The following TTLL5 variants were observed in gnomAD, a reference collection of about 807,000 sequenced individuals.
TTLL5 encodes tubulin polyglutamylase TTLL5.
In TTLL5, 132 loss-of-function variants were observed where a neutral mutation model predicts 168.4. The observed-to-expected ratio is 0.78, with a 90% CI of 0.68 to 0.91. TTLL5 has a LOEUF of 0.91. Among genes scored for constraint, TTLL5 ranks in the 40% least tolerant of loss-of-function variants. The probability of loss-of-function intolerance (pLI) is 0.00; values close to 1 mark genes in which losing one functional copy is unlikely to be tolerated. For synonymous variants in TTLL5, 546 were observed against 558.6 expected (o/e 0.98, Z 0.32); for missense variants, 1,545 against 1,581.5 (o/e 0.98, Z 0.39).
At chr14:75,931,263 G>T (rs1031642477) in intron 31 of TTLL5, among the ~76,000 whole-genome samples, 3 of 152,102 alleles carry the variant, frequency 2.0e-5, no homozygotes, top group African/African-American at 4.8e-5. Context: ...CATCTCAGGT[G>T]TAACACATCC....
intron 28 of TTLL5, among the ~76,000 whole-genome samples, chr14:75,861,637 C>T (rs891795639): frequency 2.0e-5 from 3 of 152,074 alleles, no homozygotes; most frequent in African/African-American, 4.8e-5. Context: ...TTTTTCTAAG[C>T]CCCCTTAACC....
chr14:75,867,510 C>T (rs2030620280), intron 29 of TTLL5, among the ~76,000 whole-genome samples: 1 of 152,080 alleles, frequency 6.6e-6, no homozygotes, highest in South Asian at 2.1e-4. Flanking sequence ...GCCTGTAATC[C>T]CAGCACTTTG....
chr14:75,745,692 T>G (rs1363230461), intron 17 of TTLL5, 111 bp downstream of exon 17: 7 of 798,472 alleles, frequency 8.8e-6, no homozygotes, highest in South Asian at 7.4e-5. Context: ...TTATTTTGTT[T>G]ATTTATAATA....
chr14:75,855,708 A>C (rs1209371770), intron 28 of TTLL5, among the ~76,000 whole-genome samples: 1 of 152,234 alleles, frequency 6.6e-6, no homozygotes. Context: ...CATACTTCAA[A>C]GCATGCAGGT....
At chr14:75,723,698 T>C (rs1379184494) in intron 12 of TTLL5, among the ~76,000 whole-genome samples, 1 of 152,184 alleles carries the variant, frequency 6.6e-6, no homozygotes, top group Non-Finnish European at 1.5e-5. Flanking sequence ...TGTTCCGACG[T>C]GGAAGAAGCT....
chr14:75,832,625 TA>T (rs2139813005), intron 28 of TTLL5, among the ~76,000 whole-genome samples: 1 of 152,326 alleles, frequency 6.6e-6, no homozygotes, highest in African/African-American at 2.4e-5. Flanking sequence ...ACGTGCTTTG[TA>T]AACTGTAAAG....
intron 18 of TTLL5, among the ~76,000 whole-genome samples, chr14:75,755,432 T>G (rs1457454820): frequency 6.6e-6 from 1 of 152,000 alleles, no homozygotes; most frequent in Non-Finnish European, 1.5e-5. Flanking sequence ...TCTTACAAAC[T>G]CCCCTTCTTT....
At chr14:75,925,893 T>C (rs909941722) in intron 31 of TTLL5, among the ~76,000 whole-genome samples, 1 of 151,872 alleles carries the variant, frequency 6.6e-6, no homozygotes, top group African/African-American at 2.4e-5. Flanking sequence ...ACCAAAAAAG[T>C]ACGAAAACCA....
intron 3 of TTLL5, among the ~76,000 whole-genome samples, chr14:75,673,607 G>A (rs1356043005): frequency 1.3e-5 from 2 of 152,226 alleles, no homozygotes; most frequent in Admixed American, 6.5e-5. Flanking sequence ...GTAAAATGGA[G>A]AGAATATGAT....
chr14:75,867,614 G>C (rs1046602579), intron 29 of TTLL5, among the ~76,000 whole-genome samples: 2 of 152,062 alleles, frequency 1.3e-5, no homozygotes, highest in Non-Finnish European at 2.9e-5. Flanking sequence ...ACAAAAATTA[G>C]CCGGGCGTGG....
intron 28 of TTLL5, among the ~76,000 whole-genome samples, chr14:75,827,844 A>G (rs1287900819): frequency 1.3e-5 from 2 of 148,956 alleles, no homozygotes; most frequent in Admixed American, 1.4e-4. Context: ...CAGCCTCCCA[A>G]GTAGCTGGGA....
At chr14:75,881,436 A>C (rs1485365435) in intron 29 of TTLL5, among the ~76,000 whole-genome samples, 1 of 152,242 alleles carries the variant, frequency 6.6e-6, no homozygotes, top group Non-Finnish European at 1.5e-5. Context: ...ATATCTGCTT[A>C]GCCTACGACC....
intron 31 of TTLL5, among the ~76,000 whole-genome samples, chr14:75,906,172 T>C (rs1200678096): frequency 6.6e-6 from 1 of 152,166 alleles, no homozygotes; most frequent in African/African-American, 2.4e-5. Flanking sequence ...GATCTAGATG[T>C]CACTTTAACT....
chr14:75,745,669 G>A (rs979137600), intron 17 of TTLL5, 88 bp downstream of exon 17: 12 of 998,628 alleles, frequency 1.2e-5, no homozygotes, highest in African/African-American at 3.3e-5. Flanking sequence ...TGCTCCCCCC[G>A]ATGATGCTTT....
intron 26 of TTLL5, among the ~76,000 whole-genome samples, chr14:75,792,390 C>T (rs1369545591): frequency 6.7e-6 from 1 of 150,066 alleles, no homozygotes; most frequent in Non-Finnish European, 1.5e-5. Flanking sequence ...AAAAAGAAAA[C>T]ATGTTTTGAC....
At chr14:75,865,548 C>T (rs1372199906) in intron 29 of TTLL5, among the ~76,000 whole-genome samples, 3 of 152,080 alleles carry the variant, frequency 2.0e-5, no homozygotes, top group Admixed American at 2.0e-4. Flanking sequence ...AAAAAACTCT[C>T]TGGCTCTAAT....
At chr14:75,786,884 G>A (rs1022438498) in intron 26 of TTLL5, among the ~76,000 whole-genome samples, 1 of 152,146 alleles carries the variant, frequency 6.6e-6, no homozygotes, top group African/African-American at 2.4e-5. Flanking sequence ...TATAATCCCA[G>A]CACTTTCGGA....
intron 29 of TTLL5, among the ~76,000 whole-genome samples, chr14:75,871,499 A>G (rs1437055238): frequency 6.6e-6 from 1 of 152,008 alleles, no homozygotes; most frequent in Non-Finnish European, 1.5e-5. Flanking sequence ...CATACTTATC[A>G]GTCAGATAAG....
chr14:75,667,104 CTT>C (rs750513236), intron 2 of TTLL5, among the ~76,000 whole-genome samples: 2 of 151,760 alleles, frequency 1.3e-5, no homozygotes, highest in Non-Finnish European at 2.9e-5. Context: ...TTTACTCTCT[CTT>C]TTATCTTTCC....
Sources: gnomAD v4.1 joint callset for allele counts (sites outside exome capture counted in the v4.1 genomes callset) on GRCh38, gnomAD v4.1.1 for gene constraint, MANE v1.5 for transcripts, NCBI Gene and HGNC (gene_info 2026-07-23, HGNC 2026-07-21) for gene names.